The following ATP2C1 variants were observed in gnomAD, a reference collection of about 807,000 sequenced individuals.
The protein encoded by ATP2C1 is calcium-transporting ATPase type 2C member 1.
In ATP2C1, 31 loss-of-function variants were observed where a neutral mutation model predicts 120.5. The ratio of observed to expected loss-of-function variants is 0.26; its 90% confidence interval spans 0.19 to 0.35. ATP2C1 has a LOEUF of 0.35. Ranked by LOEUF, ATP2C1 falls within the 10% of genes least tolerant of loss-of-function variation. The pLI is 1.00. For synonymous variants in ATP2C1, 351 were observed against 358.7 expected, an observed-to-expected ratio of 0.98 and a Z score of 0.24; for missense variants, 731 against 1,107.5, an observed-to-expected ratio of 0.66 and a Z score of 4.83.
intron 26 of ATP2C1, among the ~76,000 whole-genome samples, chr3:130,998,811 A>G (rs2062751967): frequency 6.6e-6 from 1 of 152,148 alleles, no homozygotes; most frequent in Non-Finnish European, 1.5e-5. Flanking sequence ...CACTGTGTCA[A>G]AGCTTAGGAC....
rs2061183178 is a variant in ATP2C1, at chr3:130,969,144, C to T, written c.1309-148C>T. ...ATGTATGCTGATGTGTAGGGAAGTA[C>T]AGTATATATAGATGGAGCATTTACT... On this transcript the variant is annotated intron_variant, in intron 16 of 27. Coordinates refer to ENST00000510168, the MANE Select transcript of ATP2C1 (RefSeq NM_001378687.1). The T allele has an allele frequency of 4.5e-6, 3 of 669,046 alleles. No homozygotes were observed. In the South Asian group the frequency reaches 4.9e-5, roughly 11 times the overall value. The allele number at this position is 669,046 out of a possible 1,614,324, so 41.4% of individuals were successfully genotyped here.
chr3:131,014,533 C>T (rs2063497143), intron 26 of ATP2C1: 1 of 843,976 alleles, frequency 1.2e-6, no homozygotes, highest in Non-Finnish European at 1.7e-6. Flanking sequence ...TAAGAATAAT[C>T]TGTTCTTTGA....
chr3:130,927,862 C>T, intron 2 of ATP2C1: 1 of 153,792 alleles, frequency 6.5e-6, no homozygotes. Flanking sequence ...AGCATCTCAC[C>T]TATCTCAAAG....
At chr3:130,996,869 T>C in intron 24 of ATP2C1, 73 bp downstream of exon 24, 2 of 1,060,844 alleles carry the variant, frequency 1.9e-6, no homozygotes, top group East Asian at 2.4e-5. Flanking sequence ...GTTTTAAAAC[T>C]TGATTTATGG....
At position 130,996,381 on chromosome 3, in the gene ATP2C1, A is replaced by G. The variant is rs1179531668; in HGVS notation, c.2126+270A>G. 21 of 572,376 alleles carry G rather than the reference A, an allele frequency of 3.7e-5. No individual in the cohort carries two copies. The East Asian group carries it at 6.2e-4, about 17-fold the overall frequency. 35.5% of individuals were successfully genotyped at this position (572,376 alleles called of 1,614,324 possible). ...TCACATCTCATTGTTTCCTCTTGGT[A>G]TCTTTTTCCAAAAGTAGAAGGGGTA... On this transcript the variant is annotated intron_variant, in intron 23 of 27. Coordinates refer to ENST00000510168, the MANE Select transcript of ATP2C1 (RefSeq NM_001378687.1).
At chr3:130,864,933 C>G (rs2068120264) in intron 1 of ATP2C1, among the ~76,000 whole-genome samples, 1 of 152,212 alleles carries the variant, frequency 6.6e-6, no homozygotes, top group South Asian at 2.1e-4. Context: ...AGAGTCCCTA[C>G]TGGGGCACTG....
At chr3:130,905,299 A>G (rs1239572528) in intron 2 of ATP2C1, among the ~76,000 whole-genome samples, 1 of 152,074 alleles carries the variant, frequency 6.6e-6, no homozygotes, top group African/African-American at 2.4e-5. Flanking sequence ...ATATAAATAA[A>G]AAACTGCCAG....
At chr3:130,901,251 C>T (rs560317471) in intron 2 of ATP2C1, among the ~76,000 whole-genome samples, 10 of 152,070 alleles carry the variant, frequency 6.6e-5, no homozygotes, top group Non-Finnish European at 1.5e-4. Context: ...ATTCCAGCAT[C>T]CCTCCCCACC....
intron 1 of ATP2C1, among the ~76,000 whole-genome samples, chr3:130,879,345 G>T (rs1194984183): frequency 2.0e-5 from 3 of 152,218 alleles, no homozygotes; most frequent in Middle Eastern, 6.8e-3. Flanking sequence ...GGGATTACAG[G>T]TGTGAATCAC....
intron 17 of ATP2C1, among the ~76,000 whole-genome samples, chr3:130,973,370 G>A (rs1413032133): frequency 6.6e-6 from 1 of 152,142 alleles, no homozygotes; most frequent in African/African-American, 2.4e-5. Flanking sequence ...TTTAAGCAAA[G>A]GGGAGATCAT....
At chr3:131,013,141 C>T (rs1213335001) in intron 26 of ATP2C1, among the ~76,000 whole-genome samples, 1 of 152,312 alleles carries the variant, frequency 6.6e-6, no homozygotes, top group Admixed American at 6.5e-5. Context: ...TTCAAGTTCT[C>T]ATTTGGAACT....
At chr3:130,915,744 G>A (rs1047215157) in intron 2 of ATP2C1, among the ~76,000 whole-genome samples, 1 of 152,174 alleles carries the variant, frequency 6.6e-6, no homozygotes, top group South Asian at 2.1e-4. Flanking sequence ...GGTATGGAGT[G>A]TGCAGGCTGG....
intron 2 of ATP2C1, chr3:130,918,374 G>C: frequency 6.7e-7 from 1 of 1,503,182 alleles, no homozygotes; most frequent in Non-Finnish European, 9.2e-7. Flanking sequence ...ATCGGAAATA[G>C]TTTTTGTTCC....
chr3:130,942,353 C>T (rs908920095), intron 8 of ATP2C1, among the ~76,000 whole-genome samples: 1 of 152,086 alleles, frequency 6.6e-6, no homozygotes, highest in African/African-American at 2.4e-5. Flanking sequence ...TGTGCAGTTG[C>T]TAAATAATGT....
chr3:130,939,234 A>C (rs192611225), intron 6 of ATP2C1, among the ~76,000 whole-genome samples: 184 of 152,288 alleles, frequency 1.2e-3, no homozygotes, highest in Non-Finnish European at 8.5e-4. Context: ...ATGTATAAAA[A>C]ATTCTTAATA....
At chr3:130,860,131 A>T (rs1184062419) in intron 1 of ATP2C1, among the ~76,000 whole-genome samples, 3 of 152,240 alleles carry the variant, frequency 2.0e-5, no homozygotes, top group Non-Finnish European at 4.4e-5. Flanking sequence ...TAAAACAAAC[A>T]TAAAGTGCAA....
chr3:130,986,863 G>T (rs2062035051), intron 20 of ATP2C1, among the ~76,000 whole-genome samples: 1 of 129,524 alleles, frequency 7.7e-6, no homozygotes. Context: ...TCAGCTTTTT[G>T]ATTAGTTTAG....
At chr3:130,986,233 A>T (rs218485) in intron 20 of ATP2C1, among the ~76,000 whole-genome samples, 133,060 of 149,320 alleles carry the variant, frequency 0.89, 59,635 homozygotes, top group Non-Finnish European at 0.95. Context: ...CTCTTCCTGA[A>T]GTTTATTTCT....
At position 131,015,141 on chromosome 3, in the gene ATP2C1, G is replaced by T. The variant is rs1018242110; in HGVS notation, c.2630-1011G>T. The T allele has an allele frequency of 1.6e-5, 11 of 687,840 alleles. No homozygotes were observed. The Admixed American group carries it at 2.3e-4, about 14-fold the overall frequency. The allele number at this position is 687,840 out of a possible 1,614,324, so 42.6% of individuals were successfully genotyped here. On this transcript the variant is annotated intron_variant, in intron 26 of 26. Transcript: ENST00000328560. ...TGTTAGCTCAGATATAAGGCCCAGAGATATATTAACAACACTGTTTACTGC... is the reference window on the plus strand; with the variant it reads ...TGTTAGCTCAGATATAAGGCCCAGATATATATTAACAACACTGTTTACTGC...
Sources: allele counts gnomAD v4.1 joint callset (sites outside exome capture counted in the v4.1 genomes callset), GRCh38; gene constraint gnomAD v4.1.1; transcripts MANE v1.5; gene names NCBI Gene and HGNC (gene_info 2026-07-23, HGNC 2026-07-21).